Variants in RAI14 observed in about 807,000 individuals in gnomAD.
RAI14 encodes ankycorbin.
RAI14 carries 45 observed loss-of-function variants against 115.4 expected under a neutral mutation model. The ratio of observed to expected loss-of-function variants is 0.39; its 90% CI spans 0.31 to 0.50. The LOEUF (loss-of-function observed/expected upper bound fraction) is 0.50. Ranked by LOEUF, RAI14 falls within the 20% of genes least tolerant of loss-of-function variation. The pLI is 0.85. For synonymous variants in RAI14, 371 were observed against 415.4 expected, an observed-to-expected ratio of 0.89 and a Z score of 1.30; for missense variants, 939 against 1,131.2, an observed-to-expected ratio of 0.83 and a Z score of 2.44.
chr5:34,784,871 A>G (rs1752108610), intron 3 of RAI14, among the ~76,000 whole-genome samples: 2 of 152,266 alleles, frequency 1.3e-5, no homozygotes, highest in Admixed American at 1.3e-4. Flanking sequence ...AGGAATGCTT[A>G]GAGCAGGTCG....
chr5:34,728,318 G>A (rs1468090084), intron 2 of RAI14, among the ~76,000 whole-genome samples: 1 of 152,160 alleles, frequency 6.6e-6, no homozygotes, highest in Non-Finnish European at 1.5e-5. Context: ...ACTTTGGGGG[G>A]CCGTTGGGAA....
intron 14 of RAI14, 139 bp downstream of exon 14, chr5:34,821,989 T>C (rs1756876197): frequency 2.2e-6 from 1 of 460,292 alleles, no homozygotes; most frequent in African/African-American, 2.0e-5. Context: ...TAGTTTCAGA[T>C]TATTTGTTTC....
chr5:34,660,778 C>CTT (rs559034141), intron 1 of RAI14, among the ~76,000 whole-genome samples: 15,142 of 145,224 alleles, frequency 0.1, 870 homozygotes, highest in African/African-American at 0.15. Context: ...TGGGCACATT[C>CTT]TTTTTTTTTT....
intron 1 of RAI14, among the ~76,000 whole-genome samples, chr5:34,665,920 T>C (rs1315925052): frequency 1.3e-5 from 2 of 152,242 alleles, no homozygotes; most frequent in African/African-American, 4.8e-5. Flanking sequence ...TAGTCATCGG[T>C]TGCTATGTCA....
chr5:34,687,782 G>T, intron 2 of RAI14: 1 of 1,522,026 alleles, frequency 6.6e-7, no homozygotes, highest in South Asian at 1.2e-5. Flanking sequence ...AATTAAAGAT[G>T]AACCTGGATT....
chr5:34,684,309 C>A (rs941140425), intron 1 of RAI14, among the ~76,000 whole-genome samples: 2 of 152,148 alleles, frequency 1.3e-5, no homozygotes, highest in African/African-American at 4.8e-5. Flanking sequence ...CCTTGAGATT[C>A]AGTTTTAATA....
At chr5:34,790,704 G>T (rs1448944797) in intron 3 of RAI14, among the ~76,000 whole-genome samples, 1 of 150,382 alleles carries the variant, frequency 6.6e-6, no homozygotes, top group Non-Finnish European at 1.5e-5. Context: ...GTAGAATATG[G>T]TACAAGGTAT....
chr5:34,789,904 G>C (rs1407497704), intron 3 of RAI14, among the ~76,000 whole-genome samples: 2 of 152,152 alleles, frequency 1.3e-5, no homozygotes, highest in African/African-American at 4.8e-5. Context: ...AGCCCTTAAG[G>C]TTACCAGCAC....
intron 1 of RAI14, among the ~76,000 whole-genome samples, chr5:34,668,001 A>G (rs1183531665): frequency 1.3e-5 from 2 of 152,180 alleles, no homozygotes; most frequent in Non-Finnish European, 2.9e-5. Context: ...CCGAGACAGG[A>G]GAGGCATACA....
intron 3 of RAI14, among the ~76,000 whole-genome samples, chr5:34,760,747 A>G (rs1448017285): frequency 6.6e-6 from 1 of 152,254 alleles, no homozygotes; most frequent in Non-Finnish European, 1.5e-5. Context: ...TGCGTATAAC[A>G]TAAAATTTAC....
At chr5:34,795,797 T>C in intron 3 of RAI14, 142 bp from the exon 4 acceptor site, 2 of 533,594 alleles carry the variant, frequency 3.7e-6, no homozygotes, top group Admixed American at 6.8e-5. Flanking sequence ...AGATTGATAA[T>C]AATGCCTAGT....
intron 1 of RAI14, among the ~76,000 whole-genome samples, chr5:34,679,799 C>T (rs1312737145): frequency 6.6e-6 from 1 of 152,118 alleles, no homozygotes; most frequent in Non-Finnish European, 1.5e-5. Context: ...AACCTTAGTG[C>T]TTTTCTCTTG....
Position 34,804,737 on chromosome 5 carries a change from T to C in RAI14, c.321+961T>C, listed in dbSNP as rs139029987. Among the ~76,000 whole-genome samples, 105 of 152,330 alleles carry C rather than the reference T, an allele frequency of 6.9e-4. 1 individual carries two copies. The highest frequency in any genetic ancestry group is 2.5e-3 in the African/African-American group (102 of 41,582). Reference sequence around the variant, plus strand: ...GAAAAATAGATTAATGTCTGTGATGTTGTATTATGAGGCTTCCCTTTGAAG... The same window carrying C: ...GAAAAATAGATTAATGTCTGTGATGCTGTATTATGAGGCTTCCCTTTGAAG... On this transcript the variant is annotated intron_variant, in intron 5 of 17. Transcript: ENST00000265109.
chr5:34,799,844 C>T (rs545288413), intron 4 of RAI14, among the ~76,000 whole-genome samples: 3 of 152,018 alleles, frequency 2.0e-5, no homozygotes, highest in Non-Finnish European at 4.4e-5. Flanking sequence ...CCCGCCACCA[C>T]GCCTGGCTAA....
intron 3 of RAI14, among the ~76,000 whole-genome samples, chr5:34,780,555 G>T (rs336472): frequency 0.12 from 18,026 of 152,192 alleles, 1,163 homozygotes; most frequent in East Asian, 0.23. Flanking sequence ...ATCAAAAAGT[G>T]GGCAAAGGAC....
chr5:34,826,141 A>C (rs1179611895), intron 15 of RAI14, 189 bp from the exon 16 acceptor site: 1 of 440,440 alleles, frequency 2.3e-6, no homozygotes, highest in African/African-American at 2.0e-5. Flanking sequence ...GGGCTTTGTT[A>C]GTTTGCCTGA....
At chr5:34,786,238 C>G (rs565567501) in intron 3 of RAI14, among the ~76,000 whole-genome samples, 1 of 152,194 alleles carries the variant, frequency 6.6e-6, no homozygotes, top group Non-Finnish European at 1.5e-5. Context: ...TGTATCCTAA[C>G]AGGGAACTGC....
intron 2 of RAI14, among the ~76,000 whole-genome samples, chr5:34,702,157 G>A (rs993724671): frequency 2.0e-5 from 3 of 152,136 alleles, no homozygotes; most frequent in Non-Finnish European, 4.4e-5. Context: ...TCATTATTCA[G>A]TTCTTACACA....
intron 1 of RAI14, chr5:34,656,779 T>TGGGGCGG (rs1177813909): frequency 6.5e-6 from 1 of 153,004 alleles, no homozygotes; most frequent in South Asian, 1.9e-4. Flanking sequence ...GCAGGCCGGC[T>TGGGGCGG]GGGGCGGGGC....
Sources: gnomAD v4.1 joint callset for allele counts (sites outside exome capture counted in the v4.1 genomes callset) on GRCh38, gnomAD v4.1.1 for gene constraint, MANE v1.5 for transcripts, NCBI Gene and HGNC (gene_info 2026-07-23, HGNC 2026-07-21) for gene names.